The following KREMEN1 variants were observed in gnomAD, a reference collection of about 807,000 sequenced individuals.
KREMEN1 encodes kringle containing transmembrane protein 1.
KREMEN1 carries 30 observed loss-of-function variants against 46.5 expected under a neutral mutation model. The observed-to-expected ratio is 0.65, with a 90% CI of 0.48 to 0.88. The LOEUF is 0.88. KREMEN1 is among the 40% of genes least tolerant of loss of function. KREMEN1 has a pLI of 0.00. For missense variants in KREMEN1, 533 were observed against 596.9 expected, an observed-to-expected ratio of 0.89 and a Z score of 1.11; for synonymous variants, 214 against 230.6, an observed-to-expected ratio of 0.93 and a Z score of 0.65.
At position 29,146,233 on chromosome 22, in the gene KREMEN1, T is replaced by G. The variant is rs2038860437; in HGVS notation, c.*4121T>G. 1 of 985,896 alleles carries G rather than the reference T, an allele frequency of 1.0e-6. No homozygotes were observed. Among genetic ancestry groups the G allele is most frequent in the Non-Finnish European group, 1.2e-6 (1 of 830,060 alleles). The allele number at this position is 985,896 out of a possible 1,614,324, so 61.1% of individuals were successfully genotyped here. A position where few individuals can be genotyped will look rare whatever the true frequency, so the allele number is the denominator to read the frequency against. On this transcript the variant is annotated 3_prime_UTR_variant, in exon 9 of 9. Transcript: ENST00000400335. ...TGTCTTTGTTTACCTTCCTCACTGT[T>G]CTACCTCCTGGCCAGGTCTCAGCTT...
intron 3 of KREMEN1, among the ~76,000 whole-genome samples, chr22:29,112,998 G>A (rs567994018): frequency 3.9e-5 from 6 of 152,218 alleles, no homozygotes; most frequent in African/African-American, 7.2e-5. Context: ...GGCTTCCCTC[G>A]TGGTGAACAG....
At chr22:29,111,742 A>G (rs914033551) in intron 3 of KREMEN1, 1 of 151,728 alleles carries the variant, frequency 6.6e-6, no homozygotes, top group Non-Finnish European at 1.5e-5. Flanking sequence ...TTTTTAAGAC[A>G]TAGGACAAGA....
At chr22:29,149,717 G>A (rs1374784771), downstream of KREMEN1, among the ~76,000 whole-genome samples, 5 of 152,216 alleles carry the variant, frequency 3.3e-5, no homozygotes, top group East Asian at 9.6e-4. Flanking sequence ...ATGGGACAAT[G>A]AGGCCAGGAT....
chr22:29,087,671 T>G (rs2037750038), intron 1 of KREMEN1, among the ~76,000 whole-genome samples: 1 of 152,156 alleles, frequency 6.6e-6, no homozygotes, highest in South Asian at 2.1e-4. Flanking sequence ...GTTTAAGTGA[T>G]TCTCCTGCCT....
chr22:29,133,247 C>CAAA (rs147076750), intron 5 of KREMEN1, among the ~76,000 whole-genome samples: 40 of 126,250 alleles, frequency 3.2e-4, no homozygotes, highest in African/African-American at 8.2e-4. Flanking sequence ...GACTCCATCT[C>CAAA]AAAAAAAAAA....
At chr22:29,163,768 G>A (rs1053228749) in intron 9 of KREMEN1, among the ~76,000 whole-genome samples, 1 of 152,168 alleles carries the variant, frequency 6.6e-6, no homozygotes, top group Non-Finnish European at 1.5e-5. Context: ...GACTACTAAG[G>A]GGGGAAGGGA....
intron 1 of KREMEN1, among the ~76,000 whole-genome samples, chr22:29,091,467 A>G (rs1488520400): frequency 2.6e-5 from 4 of 152,114 alleles, no homozygotes; most frequent in Admixed American, 6.5e-5. Flanking sequence ...TTTTTATCCT[A>G]TATATTTAAG....
chr22:29,096,074 A>G (rs2037878444), intron 2 of KREMEN1, among the ~76,000 whole-genome samples: 1 of 152,108 alleles, frequency 6.6e-6, no homozygotes, highest in African/African-American at 2.4e-5. Context: ...TAGTTCTTTT[A>G]TATTTTATTT....
chr22:29,131,612 G>T (rs2038545632), intron 5 of KREMEN1, among the ~76,000 whole-genome samples: 2 of 129,740 alleles, frequency 1.5e-5, no homozygotes, highest in Admixed American at 7.9e-5. Flanking sequence ...ATATATGTGT[G>T]TATATATATG....
intron 9 of KREMEN1, among the ~76,000 whole-genome samples, chr22:29,160,353 A>G (rs2038999898): frequency 6.9e-6 from 1 of 145,226 alleles, no homozygotes; most frequent in African/African-American, 2.6e-5. Context: ...CAACATGGTG[A>G]AACCCTGTCT....
chr22:29,168,333 CAAAAAAA>C (rs60121498), downstream of KREMEN1: 2,874 of 79,340 alleles, frequency 0.036, 104 homozygotes, highest in African/African-American at 0.12. Context: ...GACCCTGTCT[CAAAAAAA>C]AAAAAAAAAA....
At chr22:29,141,384 G>A (rs1428860687) in intron 8 of KREMEN1, among the ~76,000 whole-genome samples, 1 of 152,166 alleles carries the variant, frequency 6.6e-6, no homozygotes, top group Non-Finnish European at 1.5e-5. Context: ...CACATCCCCT[G>A]TGGCAGCAAG....
chr22:29,124,057 G>C (rs2038401191), intron 4 of KREMEN1, among the ~76,000 whole-genome samples: 1 of 151,988 alleles, frequency 6.6e-6, no homozygotes, highest in African/African-American at 2.4e-5. Context: ...ATATGACCTA[G>C]TAATTCCATT....
chr22:29,146,885 G>GGGACAA, downstream of KREMEN1: 10 of 740,358 alleles, frequency 1.4e-5, no homozygotes, highest in Non-Finnish European at 1.6e-5. Context: ...AGCGGAGGGT[G>GGGACAA]TCTGTGGTGG....
At chr22:29,120,588 A>G in intron 3 of KREMEN1, among the ~76,000 whole-genome samples, 1 of 73,176 alleles carries the variant, frequency 1.4e-5, no homozygotes, top group Admixed American at 1.8e-4. Flanking sequence ...TGATGATGGA[A>G]ACAGGGAGAA....
intron 3 of KREMEN1, among the ~76,000 whole-genome samples, chr22:29,101,531 C>CA (rs2145776333): frequency 6.6e-6 from 1 of 152,326 alleles, no homozygotes; most frequent in African/African-American, 2.4e-5. Context: ...ACTCACCACT[C>CA]ACTCACTGAC....
intron 1 of KREMEN1, among the ~76,000 whole-genome samples, chr22:29,089,397 CT>C (rs1368528374): frequency 2.0e-5 from 3 of 152,136 alleles, no homozygotes; most frequent in African/African-American, 7.2e-5. Flanking sequence ...CCAGCAAATA[CT>C]TTTGCCACTA....
intron 5 of KREMEN1, among the ~76,000 whole-genome samples, chr22:29,132,437 G>A (rs530283628): frequency 6.6e-6 from 1 of 152,278 alleles, no homozygotes; most frequent in East Asian, 1.9e-4. Context: ...AGCATTATAA[G>A]TCACTGCCAA....
At chr22:29,088,195 C>A (rs1475216554) in intron 1 of KREMEN1, among the ~76,000 whole-genome samples, 4 of 152,100 alleles carry the variant, frequency 2.6e-5, no homozygotes, top group Admixed American at 2.6e-4. Context: ...GGTAGCCTAA[C>A]TTTAAACAGA....
Sources: gnomAD v4.1 joint callset for allele counts (sites outside exome capture counted in the v4.1 genomes callset) on GRCh38, gnomAD v4.1.1 for gene constraint, MANE v1.5 for transcripts, NCBI Gene and HGNC (gene_info 2026-07-23, HGNC 2026-07-21) for gene names.